Variants in SPAG17 observed in about 807,000 individuals in gnomAD.
SPAG17 encodes the protein sperm-associated antigen 17.
SPAG17 carries 169 observed loss-of-function variants against 273.6 expected under a neutral mutation model. That is an observed-to-expected ratio of 0.62 (90% CI 0.55 to 0.70). SPAG17 has a LOEUF of 0.70. Among genes scored for constraint, SPAG17 ranks in the 30% least tolerant of loss-of-function variants. The pLI is 0.00. For synonymous variants in SPAG17, 825 were observed against 873.2 expected (o/e 0.94, Z 0.97); for missense variants, 2,557 against 2,627.8 (o/e 0.97, Z 0.59).
chr1:118,097,914 G>T lies in SPAG17; in HGVS notation c.830-63C>A, dbSNP rs1046035701. On this transcript the variant is annotated intron_variant, in intron 6 of 48. Coordinates refer to ENST00000336338, the MANE Select transcript of SPAG17 (RefSeq NM_206996.4). ...TGTTAAATGTTTTCCCACTTTAAGTGAACATGGTGAGTCATATGCATTGCA... is the reference window on the plus strand; with the variant it reads ...TGTTAAATGTTTTCCCACTTTAAGTTAACATGGTGAGTCATATGCATTGCA... 7.7e-6 allele frequency: 9 copies of T among 1,170,690 alleles called. No individual in the cohort carries two copies. The Admixed American group carries it at 7.9e-5, about 10-fold the overall frequency. The allele number at this position is 1,170,690 out of a possible 1,614,324, so 72.5% of individuals were successfully genotyped here.
chr1:118,083,395 G>T (rs1315710814), intron 13 of SPAG17, among the ~76,000 whole-genome samples: 1 of 152,200 alleles, frequency 6.6e-6, no homozygotes, highest in Non-Finnish European at 1.5e-5. Context: ...CTGTAGACCA[G>T]CTGGAAAGCT....
intron 3 of SPAG17, among the ~76,000 whole-genome samples, chr1:118,115,644 G>T (rs1342931443): frequency 6.6e-6 from 1 of 152,078 alleles, no homozygotes; most frequent in East Asian, 1.9e-4. Flanking sequence ...AAATAAATTG[G>T]ATTGTCTGAA....
At chr1:117,954,513 C>T (rs1055301870) in intron 48 of SPAG17, 4 of 1,435,856 alleles carry the variant, frequency 2.8e-6, no homozygotes, top group Non-Finnish European at 3.9e-6. Flanking sequence ...AGTTACCACT[C>T]TGTCTATAAC....
At chr1:118,040,366 T>C (rs532504416) in intron 22 of SPAG17, among the ~76,000 whole-genome samples, 2 of 152,306 alleles carry the variant, frequency 1.3e-5, no homozygotes, top group Non-Finnish European at 2.9e-5. Flanking sequence ...AGAAAAATGC[T>C]GTAAACTCAC....
At chr1:117,996,259 A>C in intron 34 of SPAG17, 111 bp downstream of exon 34, 1 of 1,315,998 alleles carries the variant, frequency 7.6e-7, no homozygotes, top group African/African-American at 1.5e-5. Context: ...AGTAGAGCAG[A>C]AAAGTGAGCA....
chr1:117,983,581 T>C (rs1656071397), intron 42 of SPAG17, among the ~76,000 whole-genome samples: 1 of 152,250 alleles, frequency 6.6e-6, no homozygotes, highest in South Asian at 2.1e-4. Flanking sequence ...TCCTTGCTTT[T>C]TAAATTAGTC....
At chr1:118,107,761 A>T (rs897939073) in intron 4 of SPAG17, among the ~76,000 whole-genome samples, 7 of 152,208 alleles carry the variant, frequency 4.6e-5, no homozygotes, top group Non-Finnish European at 8.8e-5. Context: ...AAATATAAAG[A>T]GCTTACAAAA....
intron 46 of SPAG17, among the ~76,000 whole-genome samples, chr1:117,968,235 C>CTT (rs1187599393): frequency 6.6e-6 from 1 of 152,086 alleles, no homozygotes; most frequent in Non-Finnish European, 1.5e-5. Context: ...CTATCAAAAA[C>CTT]TTAAAAAAAT....
intron 43 of SPAG17, among the ~76,000 whole-genome samples, chr1:117,978,575 T>C (rs146887452): frequency 1.1e-3 from 174 of 152,328 alleles, no homozygotes; most frequent in African/African-American, 3.3e-3. Flanking sequence ...ATTCCTCTTT[T>C]ATATGCAATT....
intron 24 of SPAG17, among the ~76,000 whole-genome samples, chr1:118,032,841 A>C (rs1571295728): frequency 6.6e-6 from 1 of 152,082 alleles, no homozygotes; most frequent in Non-Finnish European, 1.5e-5. Context: ...TGATCCGCCC[A>C]CCTCGGCCTC....
chr1:118,126,735 G>A (rs1480611517), intron 3 of SPAG17, among the ~76,000 whole-genome samples: 1 of 152,054 alleles, frequency 6.6e-6, no homozygotes, highest in Admixed American at 6.6e-5. Context: ...CTGTGCTTTT[G>A]AAGTCTTATG....
intron 43 of SPAG17, among the ~76,000 whole-genome samples, chr1:117,979,509 G>A (rs2101577100): frequency 6.6e-6 from 1 of 152,214 alleles, no homozygotes; most frequent in Non-Finnish European, 1.5e-5. Context: ...CACTTCAGTT[G>A]CTTCTTCCTT....
rs149951479 is a variant in SPAG17, at chr1:118,137,088, T to A, written c.315+13455A>T. Among the ~76,000 whole-genome samples, 907 of 152,278 alleles carry A rather than the reference T, an allele frequency of 6.0e-3. 11 individuals are homozygous for A. Among genetic ancestry groups the A allele is most frequent in the African/African-American group, 0.021 (861 of 41,552 alleles). On this transcript the variant is annotated intron_variant, in intron 3 of 48. Coordinates refer to ENST00000336338, the MANE Select transcript of SPAG17 (RefSeq NM_206996.4). ...GATAGAGCCTGTATCTTTTTTTCCC[T>A]CAATGATATTCCTAAAATGGATCTT... is the stretch of plus-strand genomic sequence containing the variant.
At chr1:118,089,355 G>GTGTGTGTGT (rs10527094) in intron 10 of SPAG17, among the ~76,000 whole-genome samples, 3 of 137,932 alleles carry the variant, frequency 2.2e-5, no homozygotes, top group Middle Eastern at 3.6e-3. Flanking sequence ...GTGTGTGTGT[G>GTGTGTGTGT]GTGGCAGGTA....
intron 23 of SPAG17, among the ~76,000 whole-genome samples, chr1:118,038,760 G>T (rs2101914663): frequency 6.6e-6 from 1 of 152,196 alleles, no homozygotes; most frequent in South Asian, 2.1e-4. Flanking sequence ...TGATTACCAG[G>T]GATTAGGAAG....
chr1:118,106,132 G>T (rs1297381679), intron 4 of SPAG17, among the ~76,000 whole-genome samples: 1 of 152,040 alleles, frequency 6.6e-6, no homozygotes. Context: ...AATGCTGATG[G>T]GTCTGTCCCA....
intron 48 of SPAG17, chr1:117,959,238 A>G: frequency 1.3e-6 from 2 of 1,579,684 alleles, no homozygotes; most frequent in Non-Finnish European, 1.7e-6. Context: ...ATACGCTGCT[A>G]TAATGAATTG....
chr1:118,059,139 T>C (rs1227531429), intron 18 of SPAG17, among the ~76,000 whole-genome samples: 1 of 152,140 alleles, frequency 6.6e-6, no homozygotes, highest in Non-Finnish European at 1.5e-5. Flanking sequence ...CAAATCTAAA[T>C]AGAGGATTAC....
In SPAG17 at chr1:118,101,788, T is replaced by C; in HGVS notation, c.586A>G (p.Thr196Ala). The change falls in exon 5 of 49, where the codon ACC (threonine) becomes GCC (alanine). Residue 196 changes from threonine (T) to alanine (A), a missense_variant. By Grantham distance (58) the Thr-to-Ala change is moderately conservative. Transcript: ENST00000336338. ...PEANAPVKKT[T>A]QLKRRGEDDH... ...TCTTCTCCTCTCCGCTTTAACTGGGTGGTCTTTTTCACTGGTGCATTTGCC... is the reference window on the plus strand; with the variant it reads ...TCTTCTCCTCTCCGCTTTAACTGGGCGGTCTTTTTCACTGGTGCATTTGCC... 6.2e-7 allele frequency: 1 copy of C among 1,614,016 alleles called. No homozygotes were observed. The highest frequency in any genetic ancestry group is 8.5e-7 in the Non-Finnish European group (1 of 1,179,956).
Sources: allele counts gnomAD v4.1 joint callset (sites outside exome capture counted in the v4.1 genomes callset), GRCh38; gene constraint gnomAD v4.1.1; transcripts MANE v1.5; gene names NCBI Gene and HGNC (gene_info 2026-07-23, HGNC 2026-07-21).